ABHD17C: variants seen among roughly 807,000 people sequenced by gnomAD.
The protein encoded by ABHD17C is alpha/beta hydrolase domain-containing protein 17C.
ABHD17C carries 11 observed loss-of-function variants against 27.9 expected under a neutral mutation model. That is an observed-to-expected ratio of 0.39 (90% CI 0.25 to 0.65). The LOEUF is 0.65. Among genes scored for constraint, ABHD17C ranks in the 30% least tolerant of loss-of-function variants. The pLI is 0.45. For synonymous variants in ABHD17C, 233 were observed against 209.1 expected (o/e 1.11, Z -0.98); for missense variants, 280 against 470.2 (o/e 0.60, Z 3.74).
At chr15:80,735,950 C>T (rs944726375) in intron 1 of ABHD17C, among the ~76,000 whole-genome samples, 3 of 152,148 alleles carry the variant, frequency 2.0e-5, no homozygotes, top group Non-Finnish European at 4.4e-5. Flanking sequence ...ACTTTTAATG[C>T]TGTATTTGGT....
intron 1 of ABHD17C, among the ~76,000 whole-genome samples, chr15:80,714,069 T>G (rs1894770582): frequency 6.6e-6 from 1 of 152,112 alleles, no homozygotes; most frequent in Non-Finnish European, 1.5e-5. Flanking sequence ...TCCTCCCACC[T>G]CAGCCTCCTG....
rs565051486 is a variant in ABHD17C, at chr15:80,754,480, A to G, written c.*110A>G. Reference sequence around the variant, plus strand: ...CTTGATAACCATGAAGAAGTGCCCAACCTTTAGGGTGTTCTAATCAAAGAG... The same window carrying G: ...CTTGATAACCATGAAGAAGTGCCCAGCCTTTAGGGTGTTCTAATCAAAGAG... On this transcript the variant is annotated 3_prime_UTR_variant, in exon 3 of 3. Coordinates refer to ENST00000258884, the MANE Select transcript of ABHD17C (RefSeq NM_021214.2). 53 of 862,692 alleles carry G rather than the reference A, an allele frequency of 6.1e-5. No homozygotes were observed. The highest frequency in any genetic ancestry group is 2.9e-4 in the African/African-American group (17 of 58,620). 53.4% of individuals were successfully genotyped at this position (862,692 alleles called of 1,614,324 possible). A position where few individuals can be genotyped will look rare whatever the true frequency, so the allele number is the denominator to read the frequency against.
intron 1 of ABHD17C, among the ~76,000 whole-genome samples, chr15:80,747,755 C>T (rs1440163156): frequency 1.3e-5 from 2 of 152,202 alleles, no homozygotes; most frequent in African/African-American, 4.8e-5. Flanking sequence ...CAGGGCCACA[C>T]AGACACTTCA....
chr15:80,742,603 G>A (rs947162543), intron 1 of ABHD17C, among the ~76,000 whole-genome samples: 1 of 152,192 alleles, frequency 6.6e-6, no homozygotes, highest in African/African-American at 2.4e-5. Context: ...TTTACCAGAT[G>A]TCTGGGCATC....
Position 80,754,169 on chromosome 15 carries a change from A to G in ABHD17C, c.789A>G (p.Lys263=). The change falls in exon 3 of 3, where the codon AAA becomes AAG. Residue 263 remains lysine, a synonymous_variant. Transcript: ENST00000258884. The stretch of plus-strand genomic sequence containing the variant: ...TTTGCAGCATTGACAAGATATCTAA[A>G]GTCACCTCTCCTGTGTTGGTCATTC... ...DAFPSIDKIS[K]VTSPVLVIHG... 1 of 1,613,888 alleles carries G rather than the reference A, an allele frequency of 6.2e-7. No individual in the cohort carries two copies. Among genetic ancestry groups the G allele is most frequent in the Non-Finnish European group, 8.5e-7 (1 of 1,179,838 alleles).
chr15:80,729,948 C>G (rs1895035670), intron 1 of ABHD17C, among the ~76,000 whole-genome samples: 1 of 152,016 alleles, frequency 6.6e-6, no homozygotes, highest in Non-Finnish European at 1.5e-5. Flanking sequence ...AACTCCGTCT[C>G]TACTAAAAAA....
chr15:80,697,240 C>T (rs1894507786), intron 1 of ABHD17C, among the ~76,000 whole-genome samples: 1 of 152,124 alleles, frequency 6.6e-6, no homozygotes, highest in Admixed American at 6.5e-5. Context: ...GGGATGCCCT[C>T]ATTGGGATTA....
chr15:80,736,426 A>G (rs1457619227), intron 1 of ABHD17C, among the ~76,000 whole-genome samples: 3 of 152,258 alleles, frequency 2.0e-5, no homozygotes, highest in Non-Finnish European at 4.4e-5. Context: ...GGGCAAAAGT[A>G]TTCCACATGA....
intron 1 of ABHD17C, among the ~76,000 whole-genome samples, chr15:80,741,680 G>C (rs1895213897): frequency 1.3e-5 from 2 of 152,172 alleles, no homozygotes; most frequent in African/African-American, 4.8e-5. Flanking sequence ...ACAGGTAGAA[G>C]ATTTGTTCTT....
chr15:80,731,594 A>G (rs1895057696), intron 1 of ABHD17C, among the ~76,000 whole-genome samples: 1 of 149,286 alleles, frequency 6.7e-6, no homozygotes, highest in Admixed American at 6.7e-5. Flanking sequence ...CAGATATGTA[A>G]AAGAACACGT....
At chr15:80,726,638 G>A (rs28668276) in intron 1 of ABHD17C, among the ~76,000 whole-genome samples, 15,292 of 147,152 alleles carry the variant, frequency 0.1, 1,454 homozygotes, top group East Asian at 0.57. Flanking sequence ...TCAGCCTCCC[G>A]AGTAGCTGGG....
intron 1 of ABHD17C, among the ~76,000 whole-genome samples, chr15:80,735,507 C>T (rs966871442): frequency 1.3e-5 from 2 of 152,146 alleles, no homozygotes; most frequent in Non-Finnish European, 2.9e-5. Context: ...TCCACCTTGT[C>T]GGATCTTGTG....
intron 1 of ABHD17C, among the ~76,000 whole-genome samples, chr15:80,743,498 C>T (rs1245697383): frequency 1.3e-5 from 2 of 152,202 alleles, no homozygotes; most frequent in African/African-American, 4.8e-5. Context: ...CATTTTTAAC[C>T]TTTTCCCATT....
At chr15:80,733,743 C>T (rs1388387459) in intron 1 of ABHD17C, among the ~76,000 whole-genome samples, 1 of 152,188 alleles carries the variant, frequency 6.6e-6, no homozygotes, top group Admixed American at 6.5e-5. Flanking sequence ...GTCTCCTCCA[C>T]TATAGCACTT....
intron 1 of ABHD17C, among the ~76,000 whole-genome samples, chr15:80,738,303 A>G (rs576166871): frequency 6.6e-6 from 1 of 152,298 alleles, no homozygotes; most frequent in African/African-American, 2.4e-5. Context: ...AACCAACAGG[A>G]TAGGACAGAA....
chr15:80,716,082 C>G (rs1894800023), intron 1 of ABHD17C, among the ~76,000 whole-genome samples: 1 of 152,172 alleles, frequency 6.6e-6, no homozygotes, highest in Non-Finnish European at 1.5e-5. Context: ...TGACTTGCAT[C>G]TTTTTAGACA....
intron 1 of ABHD17C, among the ~76,000 whole-genome samples, chr15:80,726,439 G>A (rs932734839): frequency 1.4e-5 from 2 of 143,212 alleles, no homozygotes; most frequent in Non-Finnish European, 3.0e-5. Flanking sequence ...TTCTGCATCT[G>A]TTTTTTTCCC....
At chr15:80,697,267 G>A (rs1894507993) in intron 1 of ABHD17C, among the ~76,000 whole-genome samples, 1 of 152,188 alleles carries the variant, frequency 6.6e-6, no homozygotes, top group African/African-American at 2.4e-5. Flanking sequence ...TTCGAAAGTG[G>A]CTTAGGCAGA....
In ABHD17C at chr15:80,717,271, A is replaced by AAAAAAC. The variant is rs10644616; in HGVS notation, c.590+21252_590+21253insAAAAAC. 3.4e-5 allele frequency among the ~76,000 whole-genome samples: 5 copies of AAAAAAC among 145,286 alleles called. 1 individual carries two copies. The highest frequency in any genetic ancestry group is 3.0e-5 in the Non-Finnish European group (2 of 66,292). On this transcript the variant is annotated intron_variant, in intron 1 of 2. Transcript: ENST00000258884. ...TTGATGGGGGCCAAAAAAAAAAAAA[A>AAAAAAC]GAGTTTTGGCATAGCTAATACTTTT...
Sources: gnomAD v4.1 joint callset for allele counts (sites outside exome capture counted in the v4.1 genomes callset) on GRCh38, gnomAD v4.1.1 for gene constraint, MANE v1.5 for transcripts, NCBI Gene and HGNC (gene_info 2026-07-23, HGNC 2026-07-21) for gene names.